The following TIAM1 variants were observed in gnomAD, a reference collection of about 807,000 sequenced individuals.
The protein encoded by TIAM1 is rho guanine nucleotide exchange factor TIAM1.
In TIAM1, 65 loss-of-function variants were observed where a neutral mutation model predicts 163.5. That is an observed-to-expected ratio of 0.40 (90% CI 0.33 to 0.49). The LOEUF is 0.49. TIAM1 is among the 20% of genes least tolerant of loss of function. The pLI is 0.77. For missense variants in TIAM1, 1,789 were observed against 2,044.7 expected, an observed-to-expected ratio of 0.87 and a Z score of 2.41; for synonymous variants, 833 against 810.1, an observed-to-expected ratio of 1.03 and a Z score of -0.48.
At chr21:31,461,167 G>A (rs527440334) in intron 2 of TIAM1, among the ~76,000 whole-genome samples, 28 of 152,258 alleles carry the variant, frequency 1.8e-4, no homozygotes, top group African/African-American at 5.8e-4. Context: ...AAAGAAGAGG[G>A]CACAGCGAAT....
intron 1 of TIAM1, among the ~76,000 whole-genome samples, chr21:31,554,464 T>C (rs1352710130): frequency 6.6e-6 from 1 of 152,168 alleles, no homozygotes; most frequent in Non-Finnish European, 1.5e-5. Context: ...TATACTTCAG[T>C]TTTGCTAGGT....
chr21:31,172,790 C>A (rs769838629), intron 15 of TIAM1, among the ~76,000 whole-genome samples: 4 of 151,978 alleles, frequency 2.6e-5, no homozygotes, highest in Admixed American at 1.3e-4. Flanking sequence ...TCACTTGAGT[C>A]CAGGAGTTCA....
intron 2 of TIAM1, among the ~76,000 whole-genome samples, chr21:31,437,693 G>GA (rs2044260131): frequency 6.6e-6 from 1 of 151,890 alleles, no homozygotes; most frequent in Non-Finnish European, 1.5e-5. Context: ...CTGGTTGTTT[G>GA]AAAGTGTATA....
intron 2 of TIAM1, among the ~76,000 whole-genome samples, chr21:31,421,955 A>C (rs1034542135): frequency 7.9e-5 from 12 of 152,058 alleles, no homozygotes; most frequent in Admixed American, 2.0e-4. Context: ...ACACCACTGC[A>C]CTCCAGTCGA....
Position 31,251,818 on chromosome 21 carries a change from G to C in TIAM1, c.1335C>G (p.Phe445Leu). 2 of 1,613,346 alleles carry C rather than the reference G, an allele frequency of 1.2e-6. No homozygotes were observed. Among genetic ancestry groups the C allele is most frequent in the South Asian group, 2.2e-5 (2 of 91,010 alleles). The change falls in exon 5 of 28, where the codon TTC becomes TTG. Residue 445 changes from phenylalanine (F) to leucine (L), a missense_variant. Physicochemically the swap from Phe to Leu is conservative, Grantham distance 22. Around this residue, in one of 5 missense-constraint regions of TIAM1, gnomAD observed 456 missense variants for 586.6 expected, o/e 0.78. Coordinates refer to ENST00000541036, the MANE Select transcript of TIAM1 (RefSeq NM_001353694.2). ...CCTTCTTGTTCTTCTTGTGCACCAG[G>C]AAGTTCTTGACGGCCAGGGCGCCGG... ...RKAGALAVKN[F>L]LVHKKNKKVE...
At chr21:31,337,872 T>A (rs998142561) in intron 2 of TIAM1, among the ~76,000 whole-genome samples, 2 of 152,056 alleles carry the variant, frequency 1.3e-5, no homozygotes, top group African/African-American at 4.8e-5. Flanking sequence ...GAAAAAGGCA[T>A]GTAGCCTAAT....
At chr21:31,535,066 G>A (rs956754042) in intron 1 of TIAM1, among the ~76,000 whole-genome samples, 8 of 151,944 alleles carry the variant, frequency 5.3e-5, no homozygotes, top group African/African-American at 1.7e-4. Flanking sequence ...CTCCAGCCTG[G>A]GTGACAGAGG....
At chr21:31,347,780 A>G (rs1028341717), upstream of TIAM1, among the ~76,000 whole-genome samples, 2 of 140,890 alleles carry the variant, frequency 1.4e-5, no homozygotes, top group African/African-American at 6.5e-5. Flanking sequence ...CTTATGCACG[A>G]ACGTTCAGAG....
chr21:31,526,610 G>A lies in TIAM1; in HGVS notation c.-422+32317C>T, dbSNP rs56799408. On this transcript the variant is annotated intron_variant, in intron 1 of 28. Coordinates refer to the TIAM1 transcript ENST00000286827. ...CCCTGCATGGCCACAGGTGGGAATC[G>A]TGATAGTAAGCCTGGGGTCACATAT... 2.1e-3 allele frequency among the ~76,000 whole-genome samples: 323 copies of A among 152,288 alleles called. 2 individuals are homozygous for A. The highest frequency in any genetic ancestry group is 7.5e-3 in the African/African-American group (311 of 41,544).
intron 15 of TIAM1, among the ~76,000 whole-genome samples, chr21:31,180,215 T>C (rs963704124): frequency 1.3e-5 from 2 of 152,002 alleles, no homozygotes; most frequent in African/African-American, 4.8e-5. Flanking sequence ...AGACTTTTTT[T>C]AAAAAAGAAG....
chr21:31,309,557 A>C (rs544743209), intron 2 of TIAM1, among the ~76,000 whole-genome samples: 1 of 152,348 alleles, frequency 6.6e-6, no homozygotes, highest in African/African-American at 2.4e-5. Flanking sequence ...AAAATCTTTC[A>C]GCAGGAAGAG....
At chr21:31,493,139 A>G (rs1033721928) in intron 1 of TIAM1, among the ~76,000 whole-genome samples, 6 of 152,184 alleles carry the variant, frequency 3.9e-5, no homozygotes, top group Admixed American at 1.3e-4. Context: ...ACTACATTCC[A>G]GGTACCATGC....
intron 2 of TIAM1, among the ~76,000 whole-genome samples, chr21:31,410,446 G>C (rs559799758): frequency 6.6e-6 from 1 of 151,954 alleles, no homozygotes; most frequent in South Asian, 2.1e-4. Context: ...GACTGTGTGA[G>C]GGTGTTACGT....
chr21:31,354,726 G>A (rs1358066871), intron 2 of TIAM1, among the ~76,000 whole-genome samples: 3 of 152,146 alleles, frequency 2.0e-5, no homozygotes, highest in Admixed American at 6.5e-5. Flanking sequence ...CGGTGTGGAG[G>A]AGGCTCAGCC....
intron 24 of TIAM1, 82 bp downstream of exon 24, chr21:31,130,808 A>C: frequency 7.3e-7 from 1 of 1,373,004 alleles, no homozygotes. Flanking sequence ...TCATACTGAC[A>C]AAATGGTAGA....
intron 2 of TIAM1, among the ~76,000 whole-genome samples, chr21:31,305,134 C>A (rs2074650478): frequency 6.6e-6 from 1 of 152,140 alleles, no homozygotes; most frequent in African/African-American, 2.4e-5. Flanking sequence ...ATATTTTGCT[C>A]AACAAAGATG....
intron 1 of TIAM1, among the ~76,000 whole-genome samples, chr21:31,513,484 C>G (rs988153955): frequency 6.6e-6 from 1 of 152,220 alleles, no homozygotes; most frequent in African/African-American, 2.4e-5. Flanking sequence ...CTTAAACAAA[C>G]AGCCCTGCCA....
chr21:31,475,446 ATTGT>A (rs1481445539), intron 1 of TIAM1, among the ~76,000 whole-genome samples: 1 of 152,168 alleles, frequency 6.6e-6, no homozygotes, highest in Non-Finnish European at 1.5e-5. Flanking sequence ...ACTTCCTGGA[ATTGT>A]TGTAAGAAAT....
intron 2 of TIAM1, among the ~76,000 whole-genome samples, chr21:31,317,759 A>C (rs904515784): frequency 2.4e-4 from 37 of 152,158 alleles, no homozygotes; most frequent in Admixed American, 1.6e-3. Context: ...CAACCTGGGC[A>C]ACAGAGTGAG....
Sources: gnomAD v4.1 joint callset for allele counts (sites outside exome capture counted in the v4.1 genomes callset) on GRCh38, gnomAD v4.1.1 for gene constraint, gnomAD v4.1.1 regional missense constraint, MANE v1.5 for transcripts, NCBI Gene and HGNC (gene_info 2026-07-23, HGNC 2026-07-21) for gene names.